The following UGDH variants were observed in gnomAD, a reference collection of about 807,000 sequenced individuals.
UGDH encodes the protein UDP-Glc dehydrogenase.
Under a neutral mutation model 50.6 loss-of-function variants are expected in UGDH, and 38 were observed. The ratio of observed to expected loss-of-function variants is 0.75; its 90% confidence interval spans 0.58 to 0.98. UGDH has a LOEUF of 0.98. UGDH is among the 50% of genes least tolerant of loss of function. The pLI, the probability that UGDH is intolerant of heterozygous loss-of-function variation, is 0.00. For synonymous variants in UGDH, 168 were observed against 199.9 expected (o/e 0.84, Z 1.35); for missense variants, 465 against 606.2 (o/e 0.77, Z 2.45).
At position 39,521,482 on chromosome 4, in the gene UGDH, C is replaced by T. The variant is rs376996797; in HGVS notation, c.31G>A (p.Gly11Ser). ...GTGGGTCCTCCAACATAGCCTGCAC[C>T]GATGCAACAGATCTTCTTAATTTCA... MFEIKKICCI[G>S]AGYVGGPTCS... Residue 11 changes from glycine (G) to serine (S), a missense_variant, in exon 2 of 12, where the codon GGT (glycine) becomes AGT (serine). Gly to Ser is a moderately conservative substitution (Grantham distance 56). Transcript: ENST00000316423. 6 of 1,605,418 alleles carry T rather than the reference C, an allele frequency of 3.7e-6. No homozygotes were observed. The highest frequency in any genetic ancestry group is 5.1e-6 in the Non-Finnish European group (6 of 1,176,092).
chr4:39,523,216 T>C (rs1746738256), intron 1 of UGDH, among the ~76,000 whole-genome samples: 1 of 152,032 alleles, frequency 6.6e-6, no homozygotes, highest in East Asian at 1.9e-4. Flanking sequence ...CACACCAGGT[T>C]AATTTTTGTA....
chr4:39,518,844 T>C (rs1300860004), intron 2 of UGDH, among the ~76,000 whole-genome samples: 1 of 152,190 alleles, frequency 6.6e-6, no homozygotes, highest in African/African-American at 2.4e-5. Flanking sequence ...GTGCATAAAA[T>C]TCTAATTGCT....
Position 39,505,603 on chromosome 4 carries a change from T to C in UGDH, c.1037+15A>G, listed in dbSNP as rs1285472597. The C allele has an allele frequency of 6.3e-7, 1 of 1,575,078 alleles. No individual in the cohort carries two copies. The highest frequency in any genetic ancestry group is 1.2e-5 in the South Asian group (1 of 83,238). On this transcript the variant is annotated intron_variant, in intron 8 of 11. Coordinates refer to ENST00000316423, the MANE Select transcript of UGDH (RefSeq NM_003359.4). ...ACAATCTCAAAAGGGTTGAAATATT[T>C]TTAAAAACTGATACCTTGTATCACC...
In UGDH at chr4:39,510,479, C is replaced by G; in HGVS notation, c.537G>C (p.Leu179=). 6.2e-7 allele frequency: 1 copy of G among 1,614,180 alleles called. No homozygotes were observed. The highest frequency in any genetic ancestry group is 8.5e-7 in the Non-Finnish European group (1 of 1,180,028). The change falls in exon 5 of 12, where the codon CTG becomes CTC. Residue 179 remains leucine (L), a synonymous_variant. Transcript: ENST00000316423. ...IKDLKNPDRV[L]IGGDETPEGQ... The stretch of plus-strand genomic sequence containing the variant: ...CCTCTGGAGTTTCATCCCCTCCAAT[C>G]AGTACTCTGTCTGGGTTCTTTAGGT...
intron 1 of UGDH, among the ~76,000 whole-genome samples, chr4:39,523,903 C>T (rs1746773963): frequency 6.6e-6 from 1 of 152,128 alleles, no homozygotes. Flanking sequence ...CTCACTCCAA[C>T]CCCTTCCTTA....
intron 3 of UGDH, among the ~76,000 whole-genome samples, chr4:39,513,406 C>T (rs1246554747): frequency 6.6e-6 from 1 of 152,010 alleles, no homozygotes; most frequent in Non-Finnish European, 1.5e-5. Flanking sequence ...GAGGAGATGC[C>T]TGTAAGTTTG....
chr4:39,507,942 CAAAAAAA>C (rs34122254), intron 7 of UGDH, among the ~76,000 whole-genome samples: 3 of 76,572 alleles, frequency 3.9e-5, no homozygotes, highest in African/African-American at 1.1e-4. Context: ...GATCTTGTCT[CAAAAAAA>C]AAAAAAAAAA....
intron 7 of UGDH, among the ~76,000 whole-genome samples, chr4:39,506,740 A>G (rs939759925): frequency 3.9e-5 from 6 of 152,240 alleles, no homozygotes; most frequent in Non-Finnish European, 8.8e-5. Flanking sequence ...TGAGAGCTTA[A>G]GCAATTAGCC....
intron 1 of UGDH, among the ~76,000 whole-genome samples, chr4:39,522,020 C>T (rs1040402470): frequency 2.0e-5 from 3 of 152,110 alleles, no homozygotes; most frequent in Non-Finnish European, 2.9e-5. Context: ...GATTATATGC[C>T]CTACACACTA....
rs750080424 is a variant in UGDH at position 39,500,232 on chromosome 4, C to T, written c.1396G>A (p.Val466Met). Residue 466 changes from valine to methionine, a missense_variant, in exon 12 of 12, where the codon GTG (valine) becomes ATG (methionine). Val to Met is a conservative substitution (Grantham distance 21, BLOSUM62 1). Transcript: ENST00000316423. ...GCATATGGAATTCTCTTTGAAGACA[C>T]CTTTTTGCCAATTGTTTCAATCTGA... Reference protein sequence around the residue: ...GFQIETIGKKVSSKRIPYAPS... With the variant: ...GFQIETIGKKMSSKRIPYAPS... The T allele has an allele frequency of 5.0e-6, 8 of 1,592,236 alleles. No homozygotes were observed. The South Asian group carries it at 7.0e-5, about 14-fold the overall frequency.
Position 39,527,357 on chromosome 4 carries a change from G to GC in UGDH, c.-83dup, listed in dbSNP as rs1746954462. On this transcript the variant is annotated 5_prime_UTR_variant, in exon 1 of 12. Transcript: ENST00000316423. Reference sequence around the variant, plus strand: ...ACAGCACCTTCCTACGGGCCGCGCCGCCGCAGCTTCTCCACCCGCGCCCCG... The same window carrying GC: ...ACAGCACCTTCCTACGGGCCGCGCCGCCCGCAGCTTCTCCACCCGCGCCCCG... The GC allele has an allele frequency of 4.1e-6, 1 of 244,862 alleles. No individual in the cohort carries two copies. The highest frequency in any genetic ancestry group is 4.0e-5 in the South Asian group (1 of 25,104). 15.2% of individuals were successfully genotyped at this position (244,862 alleles called of 1,614,324 possible). A position where few individuals can be genotyped will look rare whatever the true frequency, so the allele number is the denominator to read the frequency against.
At chr4:39,512,823 T>G (rs1208157404) in intron 3 of UGDH, among the ~76,000 whole-genome samples, 1 of 97,010 alleles carries the variant, frequency 1.0e-5, no homozygotes, top group African/African-American at 7.6e-5. Flanking sequence ...GACTGAATTT[T>G]TTTTTTTTTT....
At chr4:39,501,706 C>G (rs1745826879) in intron 11 of UGDH, among the ~76,000 whole-genome samples, 1 of 152,196 alleles carries the variant, frequency 6.6e-6, no homozygotes. Context: ...CCACTTAACT[C>G]AAAGGGTCGT....
chr4:39,524,331 C>T (rs1235407783), intron 1 of UGDH, among the ~76,000 whole-genome samples: 3 of 152,094 alleles, frequency 2.0e-5, no homozygotes, highest in Non-Finnish European at 2.9e-5. Context: ...GCTGCTGCTC[C>T]CTGCTGTATC....
In UGDH at chr4:39,527,032, A is replaced by T. The variant is rs868449294; in HGVS notation, c.-8+251T>A. The T allele has an allele frequency of 2.3e-6, 3 of 1,289,258 alleles. No homozygotes were observed. In the African/African-American group the frequency reaches 4.6e-5, roughly 20 times the overall value. 79.9% of individuals were successfully genotyped at this position (1,289,258 alleles called of 1,614,324 possible). On this transcript the variant is annotated intron_variant, in intron 1 of 11. Transcript: ENST00000316423. ...CAGGAAAGTGGGTAAAGGCAGAAAGAGAAGGGGCTGGAAGACTCACGAGTC... is the reference window on the plus strand; with the variant it reads ...CAGGAAAGTGGGTAAAGGCAGAAAGTGAAGGGGCTGGAAGACTCACGAGTC...
At chr4:39,502,404 G>A (rs1329337473) in intron 11 of UGDH, among the ~76,000 whole-genome samples, 1 of 152,220 alleles carries the variant, frequency 6.6e-6, no homozygotes, top group Non-Finnish European at 1.5e-5. Flanking sequence ...GAGAGGTTAA[G>A]AGAACCAGAT....
At chr4:39,504,141 T>C (rs1428089948) in intron 10 of UGDH, among the ~76,000 whole-genome samples, 156 bp from the exon 11 acceptor site, 1 of 152,070 alleles carries the variant, frequency 6.6e-6, no homozygotes, top group Non-Finnish European at 1.5e-5. Flanking sequence ...ACCCCGTCTC[T>C]ACTAAAAATA....
At chr4:39,513,039 C>T (rs1406334251) in intron 3 of UGDH, among the ~76,000 whole-genome samples, 1 of 152,086 alleles carries the variant, frequency 6.6e-6, no homozygotes, top group Non-Finnish European at 1.5e-5. Flanking sequence ...AATTCCTATG[C>T]TCAAGCGATC....
chr4:39,504,308 A>AC, intron 10 of UGDH, 109 bp downstream of exon 10: 1 of 677,522 alleles, frequency 1.5e-6, no homozygotes, highest in East Asian at 3.9e-5. Flanking sequence ...ACTCCATCTC[A>AC]AAAAAAAAAA....
Sources: gnomAD v4.1 joint callset for allele counts (sites outside exome capture counted in the v4.1 genomes callset) on GRCh38, gnomAD v4.1.1 for gene constraint, MANE v1.5 for transcripts, NCBI Gene and HGNC (gene_info 2026-07-23, HGNC 2026-07-21) for gene names.